Variants in UBN2 observed in about 807,000 individuals in gnomAD.
The protein encoded by UBN2 is ubinuclein-2.
In UBN2, 35 loss-of-function variants were observed where a neutral mutation model predicts 120.2. The observed-to-expected ratio is 0.29, with a 90% CI of 0.22 to 0.39. UBN2 has a LOEUF of 0.39. UBN2 is among the 10% of genes least tolerant of loss of function. The probability of loss-of-function intolerance (pLI) is 1.00; values close to 1 mark genes in which losing one functional copy is unlikely to be tolerated. For synonymous variants in UBN2, 661 were observed against 648.7 expected (o/e 1.02, Z -0.29); for missense variants, 1,693 against 1,663.2 (o/e 1.02, Z -0.31).
intron 11 of UBN2, among the ~76,000 whole-genome samples, chr7:139,274,928 T>C (rs1376915817): frequency 6.6e-6 from 1 of 151,660 alleles, no homozygotes; most frequent in African/African-American, 2.4e-5. Context: ...TAAGAAAATA[T>C]TCAGTGTAGA....
chr7:139,326,912 A>T, the UBN2 span, among the ~76,000 whole-genome samples: 1 of 152,188 alleles, frequency 6.6e-6, no homozygotes, highest in Non-Finnish European at 1.5e-5. Context: ...CTGTGGCAGG[A>T]TTTGGGTGAG....
At chr7:139,255,633 T>A (rs1796741944) in intron 3 of UBN2, among the ~76,000 whole-genome samples, 1 of 152,016 alleles carries the variant, frequency 6.6e-6, no homozygotes. Flanking sequence ...TATTATTTGT[T>A]TTTTTTTAAT....
Position 139,237,002 on chromosome 7 carries a change from CAGA to C in UBN2, c.472_474del (p.Lys158del). On this transcript the variant is annotated splice_acceptor_variant and coding_sequence_variant, in exon 2 of 18. Coordinates refer to ENST00000473989, the MANE Select transcript of UBN2 (RefSeq NM_173569.4). LOFTEE classifies it high-confidence loss of function. ...CTTTCTTTTCCCATTCACCTTGAAT[CAGA>C]AGAAGCTCATTCACACAGAAGACCC... 11 of 1,596,746 alleles carry C rather than the reference CAGA, an allele frequency of 6.9e-6. No individual in the cohort carries two copies. The African/African-American group carries it at 1.2e-4, about 18-fold the overall frequency.
chr7:139,315,638 C>T, the UBN2 span, among the ~76,000 whole-genome samples: 12 of 152,154 alleles, frequency 7.9e-5, no homozygotes, highest in African/African-American at 2.7e-4. Context: ...TGTTTTCAGT[C>T]CTCTTAGGTA....
At chr7:139,249,218 C>G (rs555991905) in intron 2 of UBN2, among the ~76,000 whole-genome samples, 1 of 152,250 alleles carries the variant, frequency 6.6e-6, no homozygotes, top group African/African-American at 2.4e-5. Context: ...CATTTCGCAC[C>G]ACAGTACCTT....
chr7:139,259,189 T>A (rs1796855045), intron 4 of UBN2, 78 bp from the exon 5 acceptor site: 1 of 1,553,860 alleles, frequency 6.4e-7, no homozygotes, highest in Admixed American at 2.1e-5. Context: ...GAAAAACCAC[T>A]GCTGATGCTG....
At chr7:139,256,932 T>G (rs952494693) in intron 3 of UBN2, among the ~76,000 whole-genome samples, 3 of 152,236 alleles carry the variant, frequency 2.0e-5, no homozygotes, top group Non-Finnish European at 2.9e-5. Context: ...CAGGTTAAAA[T>G]TACAACTTTT....
chr7:139,268,419 G>A (rs1409492865), intron 7 of UBN2, among the ~76,000 whole-genome samples: 2 of 151,992 alleles, frequency 1.3e-5, no homozygotes, highest in East Asian at 3.9e-4. Context: ...ATTATTTAGA[G>A]TAGGAACTCC....
intron 17 of UBN2, among the ~76,000 whole-genome samples, chr7:139,295,940 A>G (rs936934094): frequency 2.6e-5 from 4 of 152,204 alleles, no homozygotes; most frequent in Admixed American, 6.5e-5. Flanking sequence ...AAAAAGTTTA[A>G]AATTTTTCCT....
Position 139,306,075 on chromosome 7 carries a change from A to C in UBN2, c.*8239A>C, listed in dbSNP as rs1798352016. 6.6e-6 allele frequency: 1 copy of C among 152,236 alleles called. No homozygotes were observed. The highest frequency in any genetic ancestry group is 1.5e-5 in the Non-Finnish European group (1 of 68,044). The allele number at this position is 152,236 out of a possible 1,614,324, so 9.4% of individuals were successfully genotyped here. On this transcript the variant is annotated 3_prime_UTR_variant, in exon 18 of 18. Transcript: ENST00000473989. ...TTAAATATTTTATAACAGAGCACTAATGGAAACCTAATAAATACAAACAAG... is the reference window on the plus strand; with the variant it reads ...TTAAATATTTTATAACAGAGCACTACTGGAAACCTAATAAATACAAACAAG...
chr7:139,270,928 G>T lies in UBN2; in HGVS notation c.1597-1394G>T, dbSNP rs151055940. Among the ~76,000 whole-genome samples, 8 of 152,050 alleles carry T rather than the reference G, an allele frequency of 5.3e-5. No individual in the cohort carries two copies. The East Asian group carries it at 5.9e-4, about 11-fold the overall frequency. On this transcript the variant is annotated intron_variant, in intron 8 of 17. Coordinates refer to ENST00000473989, the MANE Select transcript of UBN2 (RefSeq NM_173569.4). Reference sequence around the variant, plus strand: ...CCCAGATAATTTTGTATTTTTAGTAGAGACGGGATTTCTCCATGTTTAGTA... The same window carrying T: ...CCCAGATAATTTTGTATTTTTAGTATAGACGGGATTTCTCCATGTTTAGTA...
intron 5 of UBN2, among the ~76,000 whole-genome samples, chr7:139,260,213 C>G (rs887120504): frequency 1.3e-5 from 2 of 152,138 alleles, no homozygotes; most frequent in African/African-American, 4.8e-5. Flanking sequence ...ATCCTCCTGC[C>G]TCAGCTACCT....
At chr7:139,239,254 A>T (rs547626772) in intron 2 of UBN2, among the ~76,000 whole-genome samples, 3 of 152,182 alleles carry the variant, frequency 2.0e-5, no homozygotes, top group Admixed American at 2.0e-4. Flanking sequence ...TGGGGGGGTC[A>T]TATCAGGACA....
At chr7:139,233,985 G>T (rs776618811) in intron 1 of UBN2, among the ~76,000 whole-genome samples, 5 of 151,734 alleles carry the variant, frequency 3.3e-5, no homozygotes, top group Non-Finnish European at 7.4e-5. Flanking sequence ...AAAATCCATT[G>T]TATATAATCA....
chr7:139,234,958 T>A (rs904310477), intron 1 of UBN2, among the ~76,000 whole-genome samples: 2 of 152,192 alleles, frequency 1.3e-5, no homozygotes, highest in African/African-American at 4.8e-5. Context: ...AGATTTTTTT[T>A]CACCTGAAAA....
intron 13 of UBN2, among the ~76,000 whole-genome samples, chr7:139,281,580 C>G (rs1488109601): frequency 6.6e-6 from 1 of 152,080 alleles, no homozygotes; most frequent in East Asian, 1.9e-4. Flanking sequence ...ATGGGATAAC[C>G]TGCTTTTTTG....
chr7:139,231,451 G>T lies in UBN2; in HGVS notation c.-34G>T. Reference sequence around the variant, plus strand: ...CAGCGCGCCGTAGAAGCGAGCGCCGGCTCGAGCAAAAGCGGAGGGCCAGAA... The same window carrying T: ...CAGCGCGCCGTAGAAGCGAGCGCCGTCTCGAGCAAAAGCGGAGGGCCAGAA... On this transcript the variant is annotated 5_prime_UTR_variant, in exon 1 of 18. Transcript: ENST00000473989. The T allele has an allele frequency of 7.7e-7, 1 of 1,293,958 alleles. No individual in the cohort carries two copies. 80.2% of individuals were successfully genotyped at this position (1,293,958 alleles called of 1,614,324 possible). A position where few individuals can be genotyped will look rare whatever the true frequency, so the allele number is the denominator to read the frequency against.
At chr7:139,326,690 C>T in the UBN2 span, among the ~76,000 whole-genome samples, 9 of 152,208 alleles carry the variant, frequency 5.9e-5, no homozygotes, top group Non-Finnish European at 1.3e-4. Flanking sequence ...GGCACATCAC[C>T]CAGGCCATGC....
rs371485809 is a variant in UBN2, at chr7:139,283,161, C to T, written c.2256C>T (p.Leu752=). The change falls in exon 15 of 18, where the codon CTC becomes CTT. Residue 752 remains leucine, a synonymous_variant. Transcript: ENST00000473989. ...CACCAGCCCAAGAAACCATCTGCCT[C>T]GACGACTCACTAGATGAAGACCTTT... ...SSAPAQETIC[L]DDSLDEDLSF... The T allele has an allele frequency of 1.4e-5, 23 of 1,611,850 alleles. No individual in the cohort carries two copies. The African/African-American group carries it at 2.4e-4, about 17-fold the overall frequency.
Sources: allele counts gnomAD v4.1 joint callset (sites outside exome capture counted in the v4.1 genomes callset), GRCh38; gene constraint gnomAD v4.1.1; transcripts MANE v1.5; gene names NCBI Gene and HGNC (gene_info 2026-07-23, HGNC 2026-07-21).